Variants in RBFOX1 observed in about 807,000 individuals in gnomAD.
RBFOX1 encodes RNA binding protein fox-1 homolog 1.
RBFOX1 carries 8 observed loss-of-function variants against 57.7 expected under a neutral mutation model. The observed-to-expected ratio is 0.14, with a 90% CI of 0.08 to 0.25. The LOEUF is 0.25. Among genes scored for constraint, RBFOX1 ranks in the 10% least tolerant of loss-of-function variants. RBFOX1 has a pLI of 1.00. For synonymous variants in RBFOX1, 326 were observed against 222.4 expected (o/e 1.47, Z -4.15); for missense variants, 611 against 548.5 (o/e 1.11, Z -1.14).
chr16:5,924,540 C>T (rs948422113), intron 4 of RBFOX1, among the ~76,000 whole-genome samples: 2 of 152,094 alleles, frequency 1.3e-5, no homozygotes, highest in Non-Finnish European at 2.9e-5. Flanking sequence ...TCTCTCTTGC[C>T]CTGTGATCTC....
intron 14 of RBFOX1, among the ~76,000 whole-genome samples, chr16:7,697,822 T>G (rs1267430426): frequency 6.6e-6 from 1 of 152,216 alleles, no homozygotes; most frequent in Non-Finnish European, 1.5e-5. Flanking sequence ...ACTAGTATTT[T>G]GAGTCGGATG....
At chr16:7,070,381 C>T (rs982723705) in intron 4 of RBFOX1, among the ~76,000 whole-genome samples, 1 of 152,188 alleles carries the variant, frequency 6.6e-6, no homozygotes, top group Non-Finnish European at 1.5e-5. Context: ...GCCTCAGATG[C>T]ACCCACGCAT....
chr16:5,664,923 T>G (rs1196288778), intron 3 of RBFOX1, among the ~76,000 whole-genome samples: 4 of 151,762 alleles, frequency 2.6e-5, no homozygotes, highest in Non-Finnish European at 5.9e-5. Flanking sequence ...CATCCCAGGT[T>G]GATTTCCCAT....
intron 4 of RBFOX1, among the ~76,000 whole-genome samples, chr16:7,388,754 A>G (rs996588035): frequency 7.4e-5 from 11 of 148,018 alleles, no homozygotes; most frequent in Admixed American, 5.5e-4. Context: ...CAATACTATT[A>G]TAAAATTAGC....
In RBFOX1 at chr16:7,099,228, A is replaced by G. The variant is rs185650441; in HGVS notation, c.27+47130A>G. Among the ~76,000 whole-genome samples the G allele has an allele frequency of 5.4e-3, 819 of 152,296 alleles. 11 individuals are homozygous for G. The highest frequency in any genetic ancestry group is 7.1e-3 in the Non-Finnish European group (481 of 68,028). ...ATGTCTTCTGCATACGTGTGGATGT[A>G]GAATGAGGGAGGGTAGATACAGGGC... On this transcript the variant is annotated intron_variant, in intron 4 of 15. Transcript: ENST00000550418.
intron 5 of RBFOX1, among the ~76,000 whole-genome samples, chr16:7,571,303 G>C (rs2092747574): frequency 6.6e-6 from 1 of 152,110 alleles, no homozygotes; most frequent in African/African-American, 2.4e-5. Context: ...TGTCTCCCTA[G>C]GGTCAGACAG....
At chr16:5,420,743 C>G (rs149156921) in intron 1 of RBFOX1, among the ~76,000 whole-genome samples, 6,339 of 152,068 alleles carry the variant, frequency 0.042, 158 homozygotes, top group South Asian at 0.07. Flanking sequence ...ACCATGTTGC[C>G]CAGGCTGGTC....
intron 14 of RBFOX1, among the ~76,000 whole-genome samples, chr16:7,702,516 C>A (rs118020936): frequency 2.6e-5 from 4 of 152,156 alleles, no homozygotes; most frequent in Non-Finnish European, 5.9e-5. Context: ...AACATAAATG[C>A]CCATAACAGT....
At chr16:7,063,314 C>T (rs566779018) in intron 4 of RBFOX1, among the ~76,000 whole-genome samples, 3 of 152,114 alleles carry the variant, frequency 2.0e-5, no homozygotes, top group African/African-American at 7.2e-5. Flanking sequence ...CCCAGGGGAC[C>T]ACCCCCGTGC....
chr16:6,489,246 A>G (rs2095574862), intron 2 of RBFOX1, among the ~76,000 whole-genome samples: 1 of 152,160 alleles, frequency 6.6e-6, no homozygotes, highest in Non-Finnish European at 1.5e-5. Flanking sequence ...CAACCTTCCC[A>G]TATGGTCCTT....
chr16:6,255,222 C>A (rs2097653079), intron 1 of RBFOX1, among the ~76,000 whole-genome samples: 1 of 152,146 alleles, frequency 6.6e-6, no homozygotes, highest in Admixed American at 6.5e-5. Flanking sequence ...TGACTTCTAC[C>A]TGTCAACAGC....
chr16:5,968,906 C>T (rs149814376), intron 4 of RBFOX1, among the ~76,000 whole-genome samples: 349 of 152,158 alleles, frequency 2.3e-3, no homozygotes, highest in African/African-American at 7.8e-3. Flanking sequence ...CTCTTTTTAA[C>T]AGCTTGATTT....
chr16:6,580,017 G>A (rs879730038), intron 2 of RBFOX1, among the ~76,000 whole-genome samples: 14 of 151,954 alleles, frequency 9.2e-5, no homozygotes, highest in Admixed American at 2.0e-4. Flanking sequence ...GGAGTGCAGC[G>A]GTGTGATCTC....
chr16:7,569,048 C>T (rs1386256455), intron 5 of RBFOX1, among the ~76,000 whole-genome samples: 1 of 152,092 alleles, frequency 6.6e-6, no homozygotes, highest in Non-Finnish European at 1.5e-5. Context: ...TCTTTCTCTA[C>T]TTTCCTCCCT....
chr16:5,368,391 C>A (rs1051777029), intron 1 of RBFOX1, among the ~76,000 whole-genome samples: 1 of 152,166 alleles, frequency 6.6e-6, no homozygotes, highest in Admixed American at 6.5e-5. Context: ...GGGCACCTAA[C>A]CAATGTGGGT....
chr16:6,099,348 C>T (rs745923608), intron 1 of RBFOX1, among the ~76,000 whole-genome samples: 1 of 152,106 alleles, frequency 6.6e-6, no homozygotes. Flanking sequence ...CAAACTACAC[C>T]GAAATTGACA....
chr16:5,752,697 G>T (rs916998511), intron 3 of RBFOX1, among the ~76,000 whole-genome samples: 2 of 152,202 alleles, frequency 1.3e-5, no homozygotes, highest in Non-Finnish European at 2.9e-5. Context: ...ACCCTCTTAG[G>T]AGGTGAGGGC....
chr16:6,283,742 T>G (rs1165107388), intron 1 of RBFOX1, among the ~76,000 whole-genome samples: 1 of 152,220 alleles, frequency 6.6e-6, no homozygotes, highest in Non-Finnish European at 1.5e-5. Flanking sequence ...GCTACTTTTG[T>G]TTTTCTTTCT....
At chr16:7,180,877 G>T (rs955859454) in intron 4 of RBFOX1, among the ~76,000 whole-genome samples, 1 of 152,206 alleles carries the variant, frequency 6.6e-6, no homozygotes, top group Admixed American at 6.5e-5. Flanking sequence ...CAAAGTATTT[G>T]GTTGGCAAAC....
Sources: gnomAD v4.1 joint callset for allele counts (sites outside exome capture counted in the v4.1 genomes callset) on GRCh38, gnomAD v4.1.1 for gene constraint, MANE v1.5 for transcripts, NCBI Gene and HGNC (gene_info 2026-07-23, HGNC 2026-07-21) for gene names.